Variants in ADD1 observed in about 807,000 individuals in gnomAD.
ADD1 encodes adducin 1.
Under a neutral mutation model 80.5 loss-of-function variants are expected in ADD1, and 24 were observed. The observed-to-expected ratio is 0.30, with a 90% confidence interval of 0.22 to 0.42. The LOEUF (loss-of-function observed/expected upper bound fraction) is 0.42. ADD1 is among the 10% of genes least tolerant of loss of function. The probability of loss-of-function intolerance (pLI) is 1.00; values close to 1 mark genes in which losing one functional copy is unlikely to be tolerated. For missense variants in ADD1, 948 were observed against 1,019.0 expected, an observed-to-expected ratio of 0.93 and a Z score of 0.95; for synonymous variants, 373 against 393.8, an observed-to-expected ratio of 0.95 and a Z score of 0.63.
At chr4:2,864,734 G>A (rs1234342399) in intron 1 of ADD1, among the ~76,000 whole-genome samples, 6 of 151,860 alleles carry the variant, frequency 4.0e-5, no homozygotes, top group Non-Finnish European at 8.8e-5. Flanking sequence ...TCTCCAGGAG[G>A]TGGGGGGCGC....
chr4:2,845,227 C>T (rs1328871819), intron 1 of ADD1, among the ~76,000 whole-genome samples: 2 of 152,156 alleles, frequency 1.3e-5, no homozygotes, highest in Non-Finnish European at 2.9e-5. Flanking sequence ...CGCGCGCCAC[C>T]ACGCCCAGCT....
At chr4:2,909,225 T>TA (rs1378217592) in intron 12 of ADD1, 114 bp from the exon 13 acceptor site, 26 of 856,858 alleles carry the variant, frequency 3.0e-5, no homozygotes, top group Non-Finnish European at 4.4e-5. Context: ...CTGCCACACT[T>TA]ACTGTTGACA....
At chr4:2,899,226 A>G in intron 8 of ADD1, 33 bp from the exon 9 acceptor site, 2 of 1,581,082 alleles carry the variant, frequency 1.3e-6, no homozygotes, top group Non-Finnish European at 1.7e-6. Flanking sequence ...CTCAGTAAGG[A>G]ACTCAAGCCA....
At chr4:2,885,908 C>A (rs1414923660) in intron 4 of ADD1, among the ~76,000 whole-genome samples, 2 of 152,162 alleles carry the variant, frequency 1.3e-5, no homozygotes, top group African/African-American at 2.4e-5. Flanking sequence ...CCCTGCCCGG[C>A]CCCTTCCTGC....
intron 13 of ADD1, among the ~76,000 whole-genome samples, chr4:2,911,892 G>C (rs935634462): frequency 1.2e-4 from 18 of 152,230 alleles, no homozygotes; most frequent in Non-Finnish European, 2.4e-4. Context: ...CACCTCACCA[G>C]GGGCTGTGTT....
chr4:2,896,133 C>T (rs1366249975), intron 6 of ADD1, among the ~76,000 whole-genome samples: 8 of 152,056 alleles, frequency 5.3e-5, no homozygotes, highest in African/African-American at 1.2e-4. Context: ...GTGATCCGCC[C>T]GCTTCGGCCT....
chr4:2,910,108 C>T (rs1737779012), intron 13 of ADD1, among the ~76,000 whole-genome samples: 1 of 147,946 alleles, frequency 6.8e-6, no homozygotes. Flanking sequence ...TCTGTCTGAA[C>T]CCACCCACGT....
At chr4:2,905,261 A>C in intron 10 of ADD1, 153 bp downstream of exon 10, 1 of 667,496 alleles carries the variant, frequency 1.5e-6, no homozygotes, top group Non-Finnish European at 2.5e-6. Context: ...AGTCCACTGA[A>C]TGCATTACTA....
chr4:2,891,336 T>A (rs181379813), intron 4 of ADD1, among the ~76,000 whole-genome samples: 1 of 151,954 alleles, frequency 6.6e-6, no homozygotes, highest in African/African-American at 2.4e-5. Flanking sequence ...TAATCCCAGC[T>A]ACTCAGAGGC....
intron 14 of ADD1, among the ~76,000 whole-genome samples, chr4:2,919,725 CTT>C (rs1330125140): frequency 1.3e-5 from 2 of 151,690 alleles, no homozygotes; most frequent in Non-Finnish European, 2.9e-5. Context: ...ATTCTTCTCT[CTT>C]TTCTTTTTTA....
chr4:2,917,670 T>C (rs1468439537), intron 14 of ADD1, among the ~76,000 whole-genome samples: 1 of 152,108 alleles, frequency 6.6e-6, no homozygotes, highest in East Asian at 1.9e-4. Flanking sequence ...TTAGGTCTTA[T>C]GTTTAACCCC....
chr4:2,914,726 G>A (rs1738686914), intron 13 of ADD1, 158 bp from the exon 14 acceptor site: 8 of 733,462 alleles, frequency 1.1e-5, no homozygotes, highest in Non-Finnish European at 1.8e-5. Context: ...ACTGAAGGCT[G>A]CAGCTCAGCC....
intron 4 of ADD1, among the ~76,000 whole-genome samples, chr4:2,887,102 T>G (rs1733502791): frequency 6.6e-6 from 1 of 152,232 alleles, no homozygotes; most frequent in Non-Finnish European, 1.5e-5. Flanking sequence ...AATTATCTCC[T>G]TGGGGCTTAA....
chr4:2,871,481 A>G (rs529934155), intron 1 of ADD1, among the ~76,000 whole-genome samples: 2 of 152,390 alleles, frequency 1.3e-5, no homozygotes, highest in South Asian at 4.1e-4. Flanking sequence ...GGATGTTAAG[A>G]TAGCTGTTCA....
intron 8 of ADD1, chr4:2,899,025 A>G: frequency 1.9e-6 from 1 of 520,488 alleles, no homozygotes. Flanking sequence ...AGGATCCTGA[A>G]AGGTGCTGTG....
At chr4:2,913,504 T>C (rs893124226) in intron 13 of ADD1, among the ~76,000 whole-genome samples, 2 of 152,182 alleles carry the variant, frequency 1.3e-5, no homozygotes, top group Non-Finnish European at 2.9e-5. Flanking sequence ...TCAGACCTGG[T>C]TCAGAAGAGG....
intron 13 of ADD1, among the ~76,000 whole-genome samples, chr4:2,909,665 A>G (rs1411536509): frequency 6.6e-6 from 1 of 152,126 alleles, no homozygotes; most frequent in Non-Finnish European, 1.5e-5. Context: ...TTACTGAGAA[A>G]TGGCCAGTCT....
chr4:2,884,122 C>T (rs187842720), intron 3 of ADD1, among the ~76,000 whole-genome samples: 88 of 152,308 alleles, frequency 5.8e-4, no homozygotes, highest in African/African-American at 1.8e-3. Context: ...CTAATGTATA[C>T]GTTTAATGCT....
intron 5 of ADD1, 45 bp downstream of exon 5, chr4:2,894,138 T>A: frequency 6.8e-7 from 1 of 1,481,176 alleles, no homozygotes; most frequent in Non-Finnish European, 9.4e-7. Context: ...GCAGGTCATG[T>A]TAGGTCATTC....
Sources: gnomAD v4.1 joint callset for allele counts (sites outside exome capture counted in the v4.1 genomes callset) on GRCh38, gnomAD v4.1.1 for gene constraint, MANE v1.5 for transcripts, NCBI Gene and HGNC (gene_info 2026-07-23, HGNC 2026-07-21) for gene names.